The following IDH3G variants were observed in gnomAD, a reference collection of about 807,000 sequenced individuals.
IDH3G encodes the protein isocitrate dehydrogenase (NAD(+)) 3 non-catalytic subunit gamma, also known as isocitrate dehydrogenase [NAD] subunit gamma, mitochondrial.
Under a neutral mutation model 26.9 loss-of-function variants are expected in IDH3G, and 9 were observed. The observed-to-expected ratio is 0.34, with a 90% CI of 0.20 to 0.58. The LOEUF (loss-of-function observed/expected upper bound fraction) is 0.58. IDH3G is among the 20% of genes least tolerant of loss of function. IDH3G has a pLI of 0.85. For synonymous variants in IDH3G, 181 were observed against 160.0 expected (o/e 1.13, Z -0.99); for missense variants, 250 against 372.8 (o/e 0.67, Z 2.71).
At position 153,785,952 on chromosome X, in the gene IDH3G, C is replaced by A; in HGVS notation, c.1102G>T (p.Gly368Cys). The change falls in exon 13 of 13, where the codon GGC becomes TGC. Residue 368 changes from glycine to cysteine, a missense_variant. By Grantham distance (159) the Gly-to-Cys change is radical. This residue lies in a region of IDH3G where 201 missense variants were observed against 331.3 expected (regional missense o/e 0.61). Transcript: ENST00000217901. ...NENMHTPDIGGQGTTSEAIQD... is the reference protein window; with the variant it reads ...NENMHTPDIGCQGTTSEAIQD... ...ATGGCTTCAGATGTTGTGCCCTGGCCCCCGATGTCCGGAGTGTGCATCTGT... is the reference window on the plus strand; with the variant it reads ...ATGGCTTCAGATGTTGTGCCCTGGCACCCGATGTCCGGAGTGTGCATCTGT... The A allele has an allele frequency of 2.5e-6, 3 of 1,211,037 alleles. No homozygotes were observed.
intron 1 of IDH3G, chrX:153,793,656 G>A (rs782164228): frequency 8.9e-6 from 1 of 112,041 alleles, no homozygotes; most frequent in African/African-American, 3.2e-5. Flanking sequence ...ATAAGTGTAA[G>A]GAAAGAAGAC....
chrX:153,788,203 G>T, intron 5 of IDH3G, 68 bp from the exon 6 acceptor site: 1 of 1,083,054 alleles, frequency 9.2e-7, no homozygotes, highest in Non-Finnish European at 1.3e-6. Flanking sequence ...GCAGCTGAAG[G>T]CTGCCGGGGT....
chrX:153,793,459 C>T (rs2092117943), intron 1 of IDH3G: 1 of 111,339 alleles, frequency 9.0e-6, no homozygotes, highest in African/African-American at 3.3e-5. Context: ...GAAGTCTCCT[C>T]CCCTCTGGGT....
At chrX:153,789,993 T>G (rs1204055109) in intron 4 of IDH3G, 169 bp from the exon 5 acceptor site, 1 of 480,384 alleles carries the variant, frequency 2.1e-6, no homozygotes, top group Non-Finnish European at 3.7e-6. Context: ...AACTCCACAA[T>G]GCACACTGTG....
At chrX:153,786,144 GC>G (rs782718725) in intron 12 of IDH3G, 67 bp downstream of exon 12, 1 of 1,201,805 alleles carries the variant, frequency 8.3e-7, no homozygotes, top group Admixed American at 2.2e-5. Context: ...AGTGCATGAG[GC>G]GGGCTACAGG....
Position 153,790,290 on chromosome X carries a change from A to G in IDH3G, c.138T>C (p.Pro46=). The change falls in exon 4 of 13, where the codon CCT becomes CCC. Residue 46 remains proline, a splice_region_variant and synonymous_variant. Transcript: ENST00000217901. The stretch of plus-strand genomic sequence containing the variant: ...GCCGCCCGCCATACTTAGCGGACGG[A>G]GGCTGTGGGAGGCAGAGGGTGAAGG... ...SRNIFSEQTI[P]PSAKYGGRHT... is the part of the protein sequence containing the mutation. 7 of 1,201,473 alleles carry G rather than the reference A, an allele frequency of 5.8e-6. No individual in the cohort carries two copies. Among genetic ancestry groups the G allele is most frequent in the Non-Finnish European group, 7.9e-6 (7 of 885,934 alleles).
Position 153,789,757 on chromosome X carries a change from G to C in IDH3G, c.301C>G (p.Arg101Gly). Residue 101 changes from arginine to glycine, a missense_variant, in exon 5 of 13, where the codon CGC (arginine) becomes GGC (glycine). Physicochemically the swap from Arg to Gly is moderately radical, Grantham distance 125 (BLOSUM62 -2). Around this residue, in one of 2 missense-constraint regions of IDH3G, gnomAD observed 201 missense variants for 331.3 expected, o/e 0.61. Coordinates refer to ENST00000217901, the MANE Select transcript of IDH3G (RefSeq NM_004135.4). ...VSSNADEEDI[R>G]NAIMAIRRNR... ...CGGCGGATGGCCATGATGGCATTGC[G>C]AATGTCCTCTTCATCAGCATTGGAA... is the stretch of plus-strand genomic sequence containing the variant. 3.3e-6 allele frequency: 4 copies of C among 1,206,453 alleles called. No homozygotes were observed. Among genetic ancestry groups the C allele is most frequent in the Non-Finnish European group, 4.5e-6 (4 of 892,152 alleles).
At chrX:153,788,194 C>T in intron 5 of IDH3G, 59 bp from the exon 6 acceptor site, 1 of 1,116,072 alleles carries the variant, frequency 9.0e-7, no homozygotes, top group Non-Finnish European at 1.2e-6. Flanking sequence ...CTCAGCAGGG[C>T]AGCTGAAGGC....
intron 1 of IDH3G, chrX:153,793,538 G>C (rs1557070998): frequency 8.9e-6 from 1 of 112,236 alleles, no homozygotes; most frequent in Admixed American, 9.4e-5. Context: ...CTCAGTGTGG[G>C]AGCATGGCCT....
intron 4 of IDH3G, 27 bp from the exon 5 acceptor site, chrX:153,789,851 T>C (rs1246748004): frequency 1.6e-5 from 16 of 1,015,214 alleles, no homozygotes; most frequent in Non-Finnish European, 1.9e-5. Flanking sequence ...TCAGGGAGGC[T>C]GGCCCAGACC....
In IDH3G at chrX:153,786,196, G is replaced by A. The variant is rs782306142; in HGVS notation, c.1080+16C>T. ...ACTGGGCGGGGCAGCAGGGTAGGGT[G>A]CGAGGGGAACCTCACATTCTCATTG... is the stretch of plus-strand genomic sequence containing the variant. On this transcript the variant is annotated intron_variant, in intron 12 of 12. Transcript: ENST00000217901. 37 of 1,207,511 alleles carry A rather than the reference G, an allele frequency of 3.1e-5. No homozygotes were observed. Among genetic ancestry groups the A allele is most frequent in the Non-Finnish European group, 2.5e-5 (22 of 893,152 alleles).
chrX:153,790,121 G>C, intron 4 of IDH3G, 74 bp downstream of exon 4: 2 of 862,156 alleles, frequency 2.3e-6, no homozygotes, highest in Non-Finnish European at 3.4e-6. Flanking sequence ...GCTTCTGGGC[G>C]CAATGCCCCT....
chrX:153,786,749 G>C, intron 10 of IDH3G, 52 bp downstream of exon 10: 3 of 1,171,157 alleles, frequency 2.6e-6, no homozygotes, highest in Non-Finnish European at 3.5e-6. Context: ...GCCTCACTAA[G>C]TCTGTGAACA....
chrX:153,789,881 A>T, intron 4 of IDH3G, 57 bp from the exon 5 acceptor site: 2 of 802,298 alleles, frequency 2.5e-6, no homozygotes, highest in Non-Finnish European at 3.7e-6. Flanking sequence ...CTCCTCCAGG[A>T]AGCCTGCCCA....
chrX:153,791,047 A>G (rs2092107864), intron 1 of IDH3G, 196 bp from the exon 2 acceptor site: 1 of 404,051 alleles, frequency 2.5e-6, no homozygotes, highest in Non-Finnish European at 4.4e-6. Flanking sequence ...CCTGGAAAGT[A>G]GAAGGCGCTC....
chrX:153,789,468 T>C lies in IDH3G; in HGVS notation c.346+244A>G, dbSNP rs1203236094. On this transcript the variant is annotated intron_variant, in intron 5 of 12. Transcript: ENST00000217901. ...CTGAGGCAGGAGAATCGCTTGAAAC[T>C]GGAAGGCAGAGGTTGCACTGAGCCG... Among the ~76,000 whole-genome samples, 5 of 111,891 alleles carry C rather than the reference T, an allele frequency of 4.5e-5. No individual in the cohort carries two copies. In the East Asian group the frequency reaches 8.4e-4, roughly 19 times the overall value.
At chrX:153,790,760 T>A (rs1557070308) in intron 2 of IDH3G, 50 bp downstream of exon 2, 1 of 1,175,197 alleles carries the variant, frequency 8.5e-7, no homozygotes, top group Non-Finnish European at 1.2e-6. Flanking sequence ...ACGCGCACAA[T>A]TGCGGCCACA....
chrX:153,790,652 CT>C, intron 2 of IDH3G, 77 bp from the exon 3 acceptor site: 1 of 1,124,100 alleles, frequency 8.9e-7, no homozygotes, highest in Non-Finnish European at 1.2e-6. Context: ...AAAGTGGGAC[CT>C]TTTCCCAGGG....
rs782691651 is a variant in IDH3G, at chrX:153,794,323, C to A, written c.4G>T (p.Ala2Ser). The change falls in exon 1 of 13, where the codon GCG becomes TCG. Residue 2 changes from alanine to serine, a missense_variant. Ala to Ser is a moderately conservative substitution (Grantham distance 99, BLOSUM62 1). Transcript: ENST00000217901. MALKVATVAGSA... is the reference protein window; with the variant it reads MSLKVATVAGSA... ...CCGGCGACGGTCGCTACCTTCAGCGCCATGACGGAAAGTGAGAGCCTCCGC... is the reference window on the plus strand; with the variant it reads ...CCGGCGACGGTCGCTACCTTCAGCGACATGACGGAAAGTGAGAGCCTCCGC... 5.0e-6 allele frequency: 6 copies of A among 1,197,307 alleles called. No homozygotes were observed. The highest frequency in any genetic ancestry group is 6.7e-6 in the Non-Finnish European group (6 of 889,532).
Sources: gnomAD v4.1 joint callset for allele counts (sites outside exome capture counted in the v4.1 genomes callset) on GRCh38, gnomAD v4.1.1 for gene constraint, gnomAD v4.1.1 regional missense constraint, MANE v1.5 for transcripts, NCBI Gene and HGNC (gene_info 2026-07-23, HGNC 2026-07-21) for gene names.